RIC8B: variants seen among roughly 807,000 people sequenced by gnomAD.
RIC8B encodes the protein RIC8 guanine nucleotide exchange factor B.
In RIC8B, 16 loss-of-function variants were observed where a neutral mutation model predicts 57.5. The observed-to-expected ratio is 0.28, with a 90% CI of 0.19 to 0.42. RIC8B has a LOEUF of 0.42. Among genes scored for constraint, RIC8B ranks in the 10% least tolerant of loss-of-function variants. The probability of loss-of-function intolerance (pLI) is 1.00; values close to 1 mark genes in which losing one functional copy is unlikely to be tolerated. For missense variants in RIC8B, 481 were observed against 677.0 expected (o/e 0.71, Z 3.21); for synonymous variants, 216 against 250.8 (o/e 0.86, Z 1.31).
At position 106,879,775 on chromosome 12, in the gene RIC8B, T is replaced by C; in HGVS notation, c.1572-6129T>C. 3 of 985,434 alleles carry C rather than the reference T, an allele frequency of 3.0e-6. No individual in the cohort carries two copies. Among genetic ancestry groups the C allele is most frequent in the Non-Finnish European group, 3.6e-6 (3 of 829,942 alleles). The allele number at this position is 985,434 out of a possible 1,614,324, so 61.0% of individuals were successfully genotyped here. On this transcript the variant is annotated intron_variant, in intron 9 of 9. Transcript: ENST00000392837. The surrounding 1 kb of genome is among the most constrained non-coding windows in gnomAD (Gnocchi z 4.9). ...ATTTCTAAATGATGTTTCGTTCCAGTTGAACATTCTTGGAGGCTTATCTCT... is the reference window on the plus strand; with the variant it reads ...ATTTCTAAATGATGTTTCGTTCCAGCTGAACATTCTTGGAGGCTTATCTCT...
intron 9 of RIC8B, among the ~76,000 whole-genome samples, chr12:106,873,577 G>A (rs1247553219): frequency 6.6e-6 from 1 of 152,142 alleles, no homozygotes; most frequent in Admixed American, 6.5e-5. Flanking sequence ...ACAATTCAGG[G>A]AACATTTACT....
intron 1 of RIC8B, 140 bp downstream of exon 1, chr12:106,774,969 G>C (rs555202883): frequency 1.8e-5 from 12 of 649,462 alleles, no homozygotes; most frequent in South Asian, 1.2e-4. Flanking sequence ...TTGGGCATGC[G>C]TGTTTGTGCC....
intron 8 of RIC8B, among the ~76,000 whole-genome samples, chr12:106,863,564 A>C (rs1295162568): frequency 1.3e-5 from 2 of 151,928 alleles, no homozygotes; most frequent in Non-Finnish European, 2.9e-5. Context: ...TTTTAATATT[A>C]AATATTTATT....
intron 3 of RIC8B, chr12:106,823,486 G>A (rs934661838): frequency 4.2e-5 from 19 of 455,486 alleles, no homozygotes; most frequent in Middle Eastern, 3.3e-4. Context: ...GCAAATAATG[G>A]AAAGACCAAA....
At chr12:106,801,420 GTTT>G (rs1438292914) in intron 2 of RIC8B, among the ~76,000 whole-genome samples, 2 of 152,112 alleles carry the variant, frequency 1.3e-5, no homozygotes, top group African/African-American at 4.8e-5. Context: ...TTTATTTTCA[GTTT>G]TTTTGACAGA....
At chr12:106,846,301 T>G (rs1189772851) in intron 6 of RIC8B, among the ~76,000 whole-genome samples, 1 of 152,206 alleles carries the variant, frequency 6.6e-6, no homozygotes, top group Non-Finnish European at 1.5e-5. Flanking sequence ...CAATACGTGG[T>G]ACCACCATTC....
At chr12:106,795,516 C>CG (rs887207538) in intron 2 of RIC8B, among the ~76,000 whole-genome samples, 8 of 152,112 alleles carry the variant, frequency 5.3e-5, no homozygotes, top group African/African-American at 1.9e-4. Context: ...CAGACTGGTT[C>CG]GATCAGGTAT....
chr12:106,845,815 G>A (rs957345611), intron 6 of RIC8B, among the ~76,000 whole-genome samples: 12 of 151,938 alleles, frequency 7.9e-5, no homozygotes, highest in Admixed American at 5.9e-4. Flanking sequence ...CATGCCTTCC[G>A]CCCCACTGCA....
intron 2 of RIC8B, among the ~76,000 whole-genome samples, chr12:106,799,991 T>C (rs530832375): frequency 3.7e-4 from 57 of 152,268 alleles, no homozygotes; most frequent in Non-Finnish European, 5.9e-4. Context: ...CGAAGCCTTT[T>C]CTCCTAGCTT....
chr12:106,850,657 C>CT (rs1448682769), intron 6 of RIC8B, among the ~76,000 whole-genome samples: 1 of 152,156 alleles, frequency 6.6e-6, no homozygotes, highest in Non-Finnish European at 1.5e-5. Flanking sequence ...TGCGGGATTA[C>CT]TGTGAGGATT....
Position 106,803,623 on chromosome 12 carries a change from T to A in RIC8B, c.133-11073T>A, listed in dbSNP as rs1043480734. Among the ~76,000 whole-genome samples, 5 of 152,366 alleles carry A rather than the reference T, an allele frequency of 3.3e-5. No individual in the cohort carries two copies. The East Asian group carries it at 9.6e-4, about 29-fold the overall frequency. Reference sequence around the variant, plus strand: ...TTTCACTTTCTCTGTGCCCCTTTGTTTCAGTGTATTCAATTATTGGCCCAT... The same window carrying A: ...TTTCACTTTCTCTGTGCCCCTTTGTATCAGTGTATTCAATTATTGGCCCAT... On this transcript the variant is annotated intron_variant, in intron 2 of 9. Coordinates refer to ENST00000392837, the MANE Select transcript of RIC8B (RefSeq NM_001330145.2).
chr12:106,806,428 A>G (rs1361779476), intron 2 of RIC8B, among the ~76,000 whole-genome samples: 1 of 152,014 alleles, frequency 6.6e-6, no homozygotes, highest in African/African-American at 2.4e-5. Context: ...TACCTCCTTT[A>G]TCAGTTTTTC....
chr12:106,779,808 G>A (rs1566024713), intron 1 of RIC8B, among the ~76,000 whole-genome samples: 1 of 150,440 alleles, frequency 6.6e-6, no homozygotes, highest in East Asian at 1.9e-4. Context: ...TTAATTTGGG[G>A]AATTATGTAT....
intron 3 of RIC8B, among the ~76,000 whole-genome samples, chr12:106,819,966 G>C (rs1160827597): frequency 6.6e-6 from 1 of 152,020 alleles, no homozygotes; most frequent in East Asian, 1.9e-4. Context: ...GTACATTCCT[G>C]AAATTGGTGG....
chr12:106,873,870 A>C lies in RIC8B; in HGVS notation c.1571+2928A>C, dbSNP rs945285488. 1.6e-4 allele frequency among the ~76,000 whole-genome samples: 25 copies of C among 152,242 alleles called. 1 individual carries two copies. The highest frequency in any genetic ancestry group is 1.2e-4 in the Non-Finnish European group (8 of 68,044). On this transcript the variant is annotated intron_variant, in intron 9 of 9. Coordinates refer to ENST00000392837, the MANE Select transcript of RIC8B (RefSeq NM_001330145.2). ...AGAATTTTGATGTATTTAATAGAAA[A>C]ATGGAAAAATGACCATTCATTCCAG...
intron 6 of RIC8B, among the ~76,000 whole-genome samples, chr12:106,848,305 A>T (rs1949299417): frequency 6.6e-6 from 1 of 152,196 alleles, no homozygotes; most frequent in African/African-American, 2.4e-5. Flanking sequence ...AATAGTAGAA[A>T]TGAAGTCAGA....
In RIC8B at chr12:106,861,780, C is replaced by T. The variant is rs188180446; in HGVS notation, c.1451+1368C>T. Among the ~76,000 whole-genome samples the T allele has an allele frequency of 6.6e-5, 10 of 152,168 alleles. No individual in the cohort carries two copies. The East Asian group carries it at 1.9e-3, about 29-fold the overall frequency. On this transcript the variant is annotated intron_variant, in intron 8 of 9. Coordinates refer to ENST00000392837, the MANE Select transcript of RIC8B (RefSeq NM_001330145.2). ...TCTCTTGATTTGAGTCATTAAAATA[C>T]ACCACTTGAGAAATTTCATATTTCT...
chr12:106,822,681 C>CTAA (rs2045908574), intron 3 of RIC8B: 1 of 152,202 alleles, frequency 6.6e-6, no homozygotes, highest in Admixed American at 6.5e-5. Flanking sequence ...TCAAAAGTTT[C>CTAA]TAAATGTTCA....
chr12:106,809,059 G>GA (rs2045201994), intron 2 of RIC8B, among the ~76,000 whole-genome samples: 1 of 151,878 alleles, frequency 6.6e-6, no homozygotes, highest in Non-Finnish European at 1.5e-5. Flanking sequence ...GGTGTGGAGG[G>GA]AAAAAAAGGC....
Sources: gnomAD v4.1 joint callset for allele counts (sites outside exome capture counted in the v4.1 genomes callset) on GRCh38, gnomAD v4.1.1 for gene constraint, Gnocchi (gnomAD v3.1) non-coding constraint, MANE v1.5 for transcripts, NCBI Gene and HGNC (gene_info 2026-07-23, HGNC 2026-07-21) for gene names.